Variants in PIWIL1 observed in about 807,000 individuals in gnomAD.
PIWIL1 encodes the protein piwi like RNA-mediated gene silencing 1, also known as piwi-like protein 1.
A neutral mutation model predicts 114.4 loss-of-function variants in PIWIL1; 73 were observed. That is an observed-to-expected ratio of 0.64 (90% CI 0.53 to 0.78). The LOEUF is 0.78. Among genes scored for constraint, PIWIL1 ranks in the 30% least tolerant of loss-of-function variants. The pLI is 0.00. For missense variants in PIWIL1, 723 were observed against 1,063.1 expected, an observed-to-expected ratio of 0.68 and a Z score of 4.45; for synonymous variants, 375 against 369.0, an observed-to-expected ratio of 1.02 and a Z score of -0.19.
At chr12:130,402,132 G>T in the PIWIL1 span, among the ~76,000 whole-genome samples, 1 of 152,158 alleles carries the variant, frequency 6.6e-6, no homozygotes, top group Non-Finnish European at 1.5e-5. Flanking sequence ...CATGTCTGAT[G>T]CCTCTACCAC....
At chr12:130,378,748 C>T in the PIWIL1 span, among the ~76,000 whole-genome samples, 3 of 152,086 alleles carry the variant, frequency 2.0e-5, no homozygotes, top group Non-Finnish European at 2.9e-5. Flanking sequence ...ACATGTTGGC[C>T]GTTCTTACAT....
chr12:130,401,114 A>ATATC, the PIWIL1 span, among the ~76,000 whole-genome samples: 98 of 151,664 alleles, frequency 6.5e-4, no homozygotes, highest in African/African-American at 2.3e-3. Flanking sequence ...AAATGATTTT[A>ATATC]TATCTTTTTT....
intron 14 of PIWIL1, among the ~76,000 whole-genome samples, chr12:130,359,286 A>C (rs1283085428): frequency 6.6e-6 from 1 of 152,238 alleles, no homozygotes; most frequent in Non-Finnish European, 1.5e-5. Flanking sequence ...CTTTGCATTC[A>C]GTCTTTGTCC....
chr12:130,349,771 GA>G (rs1351853677), intron 8 of PIWIL1, 84 bp from the exon 9 acceptor site: 1 of 782,390 alleles, frequency 1.3e-6, no homozygotes, highest in Admixed American at 2.8e-5. Context: ...TGAAATTTTA[GA>G]GAATACATGC....
At position 130,347,018 on chromosome 12, in the gene PIWIL1, TA is replaced by T; in HGVS notation, c.610del (p.Thr204HisfsTer17). 1 of 1,613,732 alleles carries T rather than the reference TA, an allele frequency of 6.2e-7. No individual in the cohort carries two copies. The highest frequency in any genetic ancestry group is 8.5e-7 in the Non-Finnish European group (1 of 1,179,708). On this transcript the variant is annotated frameshift_variant, in exon 6 of 21. Transcript: ENST00000245255. LOFTEE classifies it high-confidence loss of function. ...TCACTTTAACAAATGAACTTCCACCTACATCACCAACTTGTTTGCAGTTCTA... is the reference window on the plus strand; with the variant it reads ...TCACTTTAACAAATGAACTTCCACCTCATCACCAACTTGTTTGCAGTTCTA... ...TITLTNELPPTSPTCLQFYNI... is the reference protein window; with the variant it reads ...TITLTNELPPXSPTCLQFYNI...
At chr12:130,422,381 C>A in the PIWIL1 span, 5 of 1,054,014 alleles carry the variant, frequency 4.7e-6, no homozygotes, top group South Asian at 7.7e-5. The surrounding 1 kb of genome is among the most constrained non-coding windows in gnomAD (Gnocchi z 5.2). Flanking sequence ...AAGTTTTGTT[C>A]ATGCTTAGAT....
At chr12:130,375,433 C>T (rs761856862), downstream of PIWIL1, among the ~76,000 whole-genome samples, 1 of 152,180 alleles carries the variant, frequency 6.6e-6, no homozygotes, top group Non-Finnish European at 1.5e-5. Flanking sequence ...CATCCGCATT[C>T]TCAACTACTG....
chr12:130,421,859 T>C, the PIWIL1 span, among the ~76,000 whole-genome samples: 8 of 152,308 alleles, frequency 5.3e-5, no homozygotes, highest in Non-Finnish European at 1.0e-4. Context: ...TTAGGATGAC[T>C]AAAACGATAG....
At chr12:130,359,309 T>C (rs1216584497) in intron 14 of PIWIL1, among the ~76,000 whole-genome samples, 1 of 152,198 alleles carries the variant, frequency 6.6e-6, no homozygotes, top group East Asian at 1.9e-4. Context: ...GAACTTGGAA[T>C]TGTGGCCTCA....
At chr12:130,407,769 T>C in the PIWIL1 span, 1 of 1,614,138 alleles carries the variant, frequency 6.2e-7, no homozygotes, top group Non-Finnish European at 8.5e-7. Context: ...GTCGTAGTCA[T>C]ACAGGGCCAC....
chr12:130,345,601 C>T, intron 3 of PIWIL1, 152 bp from the exon 4 acceptor site: 1 of 723,198 alleles, frequency 1.4e-6, no homozygotes, highest in Non-Finnish European at 2.3e-6. Context: ...GTTAGGCTGG[C>T]AGATACCTAA....
At chr12:130,422,573 A>G in the PIWIL1 span, 1 of 1,578,022 alleles carries the variant, frequency 6.3e-7, no homozygotes, top group Non-Finnish European at 8.7e-7. The surrounding 1 kb of genome is among the most constrained non-coding windows in gnomAD (Gnocchi z 5.2). Flanking sequence ...TAAAGACAAA[A>G]CAACAACAAA....
the PIWIL1 span, among the ~76,000 whole-genome samples, chr12:130,405,739 G>A: frequency 6.6e-6 from 1 of 150,488 alleles, no homozygotes; most frequent in Non-Finnish European, 1.5e-5. Context: ...AGGTAAGGGA[G>A]AAGTCCTAAA....
intron 14 of PIWIL1, among the ~76,000 whole-genome samples, chr12:130,357,828 A>G (rs1282253708): frequency 1.3e-5 from 2 of 152,232 alleles, no homozygotes. Flanking sequence ...TACTTAGTCT[A>G]GAAAATTTGG....
chr12:130,415,978 CAA>C, the PIWIL1 span, among the ~76,000 whole-genome samples: 2 of 151,896 alleles, frequency 1.3e-5, no homozygotes, highest in African/African-American at 2.4e-5. Flanking sequence ...CACACACACA[CAA>C]AATATACAGA....
intron 11 of PIWIL1, among the ~76,000 whole-genome samples, chr12:130,355,306 A>T (rs1269111011): frequency 6.6e-6 from 1 of 152,226 alleles, no homozygotes; most frequent in Non-Finnish European, 1.5e-5. Flanking sequence ...TTGTTATATC[A>T]AGGGGTTTCC....
the PIWIL1 span, among the ~76,000 whole-genome samples, chr12:130,404,692 G>A: frequency 1.9e-4 from 29 of 152,258 alleles, no homozygotes; most frequent in South Asian, 4.6e-3. Context: ...AAGAGGAGGC[G>A]CATGCTATGT....
At chr12:130,426,192 A>G in the PIWIL1 span, 1 of 152,266 alleles carries the variant, frequency 6.6e-6, no homozygotes. Context: ...GCCACGTGAG[A>G]ACGTGTGCGC....
At chr12:130,359,126 T>C (rs944837192) in intron 14 of PIWIL1, among the ~76,000 whole-genome samples, 1 of 152,208 alleles carries the variant, frequency 6.6e-6, no homozygotes, top group African/African-American at 2.4e-5. Flanking sequence ...TTGGTCTGTA[T>C]CTAGAGTGTA....
Sources: gnomAD v4.1 joint callset for allele counts (sites outside exome capture counted in the v4.1 genomes callset) on GRCh38, gnomAD v4.1.1 for gene constraint, Gnocchi (gnomAD v3.1) non-coding constraint, MANE v1.5 for transcripts, NCBI Gene and HGNC (gene_info 2026-07-23, HGNC 2026-07-21) for gene names.